SMURF1: variants seen among roughly 807,000 people sequenced by gnomAD.
The protein encoded by SMURF1 is SMAD specific E3 ubiquitin protein ligase 1.
A neutral mutation model predicts 98.0 loss-of-function variants in SMURF1; 44 were observed. The observed-to-expected ratio is 0.45, with a 90% CI of 0.35 to 0.58. The LOEUF (loss-of-function observed/expected upper bound fraction) is 0.58. Ranked by LOEUF, SMURF1 falls within the 20% of genes least tolerant of loss-of-function variation. The pLI, the probability that SMURF1 is intolerant of heterozygous loss-of-function variation, is 0.00. For synonymous variants in SMURF1, 396 were observed against 374.9 expected, an observed-to-expected ratio of 1.06 and a Z score of -0.65; for missense variants, 687 against 938.4, an observed-to-expected ratio of 0.73 and a Z score of 3.50.
chr7:99,069,130 G>A (rs912116147), intron 1 of SMURF1, among the ~76,000 whole-genome samples: 4 of 152,194 alleles, frequency 2.6e-5, no homozygotes, highest in African/African-American at 4.8e-5. Context: ...AACGGTGACA[G>A]AGCAGTGACT....
intron 8 of SMURF1, chr7:99,050,899 G>C (rs753858393): frequency 3.2e-5 from 43 of 1,360,524 alleles, no homozygotes; most frequent in African/African-American, 4.2e-5. Flanking sequence ...TGGGGTGGGG[G>C]GGGGGTCTCT....
chr7:99,078,123 A>C (rs1237445228), intron 1 of SMURF1, among the ~76,000 whole-genome samples: 1 of 152,106 alleles, frequency 6.6e-6, no homozygotes, highest in Non-Finnish European at 1.5e-5. Flanking sequence ...AATATGGTGA[A>C]ACCCCGTCTC....
chr7:99,140,539 A>T (rs1307523890), intron 1 of SMURF1, among the ~76,000 whole-genome samples: 1 of 151,770 alleles, frequency 6.6e-6, no homozygotes, highest in Non-Finnish European at 1.5e-5. Context: ...GCCCCACCTC[A>T]GCCTCCCAAA....
intron 1 of SMURF1, among the ~76,000 whole-genome samples, chr7:99,086,123 A>C (rs763086264): frequency 6.6e-6 from 1 of 152,132 alleles, no homozygotes; most frequent in Non-Finnish European, 1.5e-5. Context: ...AGGTGGGTGG[A>C]TCACCTGAGG....
chr7:99,034,720 AC>A (rs1795064039), intron 16 of SMURF1, among the ~76,000 whole-genome samples: 1 of 151,958 alleles, frequency 6.6e-6, no homozygotes, highest in African/African-American at 2.4e-5. Flanking sequence ...TCAGCCTCAA[AC>A]CCCTTTTTAT....
intron 1 of SMURF1, among the ~76,000 whole-genome samples, chr7:99,074,925 A>G (rs1796416762): frequency 1.3e-5 from 2 of 152,198 alleles, no homozygotes; most frequent in Admixed American, 1.3e-4. Context: ...CACATGGCCA[A>G]TAAGCACAGA....
In SMURF1 at chr7:99,071,180, C is replaced by G. The variant is rs1297042847; in HGVS notation, c.56-9343G>C. 2.0e-5 allele frequency among the ~76,000 whole-genome samples: 3 copies of G among 152,144 alleles called. No individual in the cohort carries two copies. The East Asian group carries it at 5.8e-4, about 29-fold the overall frequency. ...GTTCAAGCGATCCTCCTGCCTCAGC[C>G]CCCCTAGTAGCTGGGATTACAGGCA... On this transcript the variant is annotated intron_variant, in intron 1 of 17. Transcript: ENST00000361368.
intron 17 of SMURF1, 73 bp downstream of exon 17, chr7:99,032,962 AAC>A: frequency 6.7e-7 from 1 of 1,503,214 alleles, no homozygotes. Context: ...AAAAAAAAAC[AAC>A]AAAAAAAAAA....
intron 1 of SMURF1, among the ~76,000 whole-genome samples, chr7:99,063,241 TTATATATATATATATATATATA>T (rs1178325637): frequency 2.3e-3 from 80 of 34,886 alleles, no homozygotes; most frequent in African/African-American, 8.2e-3. Flanking sequence ...TAAGATTTAT[TTATATATATATATATATATATA>T]TATATATATA....
chr7:99,068,600 C>A (rs373789262), intron 1 of SMURF1, among the ~76,000 whole-genome samples: 1 of 152,120 alleles, frequency 6.6e-6, no homozygotes, highest in Non-Finnish European at 1.5e-5. Flanking sequence ...GTGCCTGGCC[C>A]AGATCAATCT....
At chr7:99,045,072 GAGGCTGC>G (rs1795527996) in intron 11 of SMURF1, among the ~76,000 whole-genome samples, 1 of 152,024 alleles carries the variant, frequency 6.6e-6, no homozygotes, top group Non-Finnish European at 1.5e-5. Flanking sequence ...CCAGGAGGTT[GAGGCTGC>G]AGTGAGCTAT....
intron 1 of SMURF1, among the ~76,000 whole-genome samples, chr7:99,074,897 C>T (rs760092953): frequency 3.3e-5 from 5 of 152,116 alleles, no homozygotes; most frequent in Non-Finnish European, 5.9e-5. Flanking sequence ...TAAATAGACA[C>T]CTTACCAAAA....
Position 99,047,740 on chromosome 7 carries a change from G to A in SMURF1, c.1096C>T (p.Gln366Ter). The A allele has an allele frequency of 6.2e-7, 1 of 1,614,226 alleles. No homozygotes were observed. Among genetic ancestry groups the A allele is most frequent in the Non-Finnish European group, 8.5e-7 (1 of 1,180,040 alleles). The change falls in exon 10 of 18, where the codon CAG (glutamine) becomes TAG (stop). Residue 366 changes from glutamine to a stop codon, truncating the protein, a stop_gained. Transcript: ENST00000361368. LOFTEE classifies it high-confidence loss of function. ...LKVLRHELSL[Q>*]QPQAGHCRIE... Reference sequence around the variant, plus strand: ...CGGCAATGACCAGCTTGGGGCTGCTGAAGCGACAGTTCGTGTCTGAGGACT... The same window carrying A: ...CGGCAATGACCAGCTTGGGGCTGCTAAAGCGACAGTTCGTGTCTGAGGACT...
chr7:99,090,976 T>A (rs1017019811), intron 1 of SMURF1, among the ~76,000 whole-genome samples: 4 of 152,220 alleles, frequency 2.6e-5, no homozygotes, highest in South Asian at 2.1e-4. Flanking sequence ...GTAAATAAAG[T>A]TTTATTGGAA....
chr7:99,079,041 T>C (rs977460982), intron 1 of SMURF1, among the ~76,000 whole-genome samples: 2 of 152,120 alleles, frequency 1.3e-5, no homozygotes, highest in Non-Finnish European at 2.9e-5. Flanking sequence ...AAATCTTCGC[T>C]ATTGACAGAT....
At chr7:99,058,352 C>A (rs1474095763) in intron 3 of SMURF1, among the ~76,000 whole-genome samples, 4 of 151,506 alleles carry the variant, frequency 2.6e-5, no homozygotes, top group Admixed American at 2.0e-4. Flanking sequence ...CTGGTCTCAA[C>A]CTCCTGACCT....
At chr7:99,064,823 C>T (rs2150548569) in intron 1 of SMURF1, among the ~76,000 whole-genome samples, 1 of 152,198 alleles carries the variant, frequency 6.6e-6, no homozygotes, top group East Asian at 1.9e-4. Context: ...TTTCTTGTTA[C>T]TCTAATTACA....
At chr7:99,123,047 G>A (rs114914923) in intron 1 of SMURF1, among the ~76,000 whole-genome samples, 1 of 151,286 alleles carries the variant, frequency 6.6e-6, no homozygotes, top group African/African-American at 2.4e-5. Flanking sequence ...AGAAACACAG[G>A]ACAGGGCTAG....
intron 13 of SMURF1, 84 bp downstream of exon 13, chr7:99,040,294 C>T (rs1027138505): frequency 4.3e-5 from 36 of 829,422 alleles, no homozygotes; most frequent in South Asian, 2.9e-4. Flanking sequence ...TACACACACA[C>T]GCGCGCGCGC....
Sources: gnomAD v4.1 joint callset for allele counts (sites outside exome capture counted in the v4.1 genomes callset) on GRCh38, gnomAD v4.1.1 for gene constraint, MANE v1.5 for transcripts, NCBI Gene and HGNC (gene_info 2026-07-23, HGNC 2026-07-21) for gene names.